COL4A5: variants seen among roughly 807,000 people sequenced by gnomAD.
The protein encoded by COL4A5 is collagen type IV alpha 5 chain.
COL4A5 carries 26 observed loss-of-function variants against 130.2 expected under a neutral mutation model. That is an observed-to-expected ratio of 0.20 (90% CI 0.15 to 0.28). The LOEUF (loss-of-function observed/expected upper bound fraction) is 0.28, where lower values mean the gene tolerates loss of function less well. Among genes scored for constraint, COL4A5 ranks in the 10% least tolerant of loss-of-function variants. The probability of loss-of-function intolerance (pLI) is 1.00; values close to 1 mark genes in which losing one functional copy is unlikely to be tolerated. For synonymous variants in COL4A5, 496 were observed against 439.6 expected (o/e 1.13, Z -1.60); for missense variants, 1,131 against 1,344.3 (o/e 0.84, Z 2.48).
At chrX:108,681,685 G>T in intron 46 of COL4A5, 75 bp from the exon 47 acceptor site, 1 of 1,195,695 alleles carries the variant, frequency 8.4e-7, no homozygotes, top group Admixed American at 2.2e-5. Context: ...TTTTTGTCCT[G>T]AACTTAGGTC....
intron 51 of COL4A5, 149 bp from the exon 52 acceptor site, chrX:108,695,118 C>G: frequency 1.3e-6 from 1 of 770,320 alleles, no homozygotes; most frequent in Non-Finnish European, 2.0e-6. Flanking sequence ...TTTTTTTTGA[C>G]TACCCTTGGT....
intron 2 of COL4A5, among the ~76,000 whole-genome samples, chrX:108,554,829 T>A (rs773954652): frequency 9.0e-6 from 1 of 111,377 alleles, no homozygotes; most frequent in African/African-American, 3.3e-5. Flanking sequence ...GCCACAGCAC[T>A]CCAGCCTGTG....
chrX:108,565,414 G>T (rs778991645), intron 4 of COL4A5, among the ~76,000 whole-genome samples: 2 of 111,773 alleles, frequency 1.8e-5, no homozygotes, highest in Admixed American at 1.9e-4. Flanking sequence ...TTTATTTTTT[G>T]AAGTATTTTA....
intron 2 of COL4A5, among the ~76,000 whole-genome samples, chrX:108,544,187 A>C (rs1328729733): frequency 8.9e-5 from 10 of 111,898 alleles, no homozygotes; most frequent in Non-Finnish European, 1.5e-4. Context: ...GTCTTGTGCC[A>C]GTTTTCAAAG....
At chrX:108,589,847 A>G (rs963723566) in intron 19 of COL4A5, among the ~76,000 whole-genome samples, 1 of 111,588 alleles carries the variant, frequency 9.0e-6, no homozygotes, top group Non-Finnish European at 1.9e-5. Flanking sequence ...TAAATAGCCT[A>G]CAGAATGGGT....
intron 36 of COL4A5, among the ~76,000 whole-genome samples, chrX:108,653,737 T>G (rs1040851936): frequency 7.2e-5 from 8 of 111,097 alleles, no homozygotes; most frequent in African/African-American, 2.6e-4. Flanking sequence ...TCTTGTTTTT[T>G]ATTTTGGTAT....
intron 1 of COL4A5, among the ~76,000 whole-genome samples, chrX:108,497,781 C>T (rs755859356): frequency 1.8e-5 from 2 of 111,764 alleles, no homozygotes; most frequent in African/African-American, 6.5e-5. Context: ...AAAATTGTTA[C>T]TCTGAAACCT....
intron 1 of COL4A5, among the ~76,000 whole-genome samples, chrX:108,530,046 C>T: frequency 9.0e-6 from 1 of 111,247 alleles, no homozygotes; most frequent in East Asian, 2.8e-4. Flanking sequence ...GGGCTTCAGA[C>T]CCAATAAACC....
intron 1 of COL4A5, among the ~76,000 whole-genome samples, chrX:108,445,942 T>TAA (rs1407885137): frequency 1.8e-5 from 2 of 111,587 alleles, no homozygotes; most frequent in Non-Finnish European, 3.8e-5. Flanking sequence ...CCTATATATA[T>TAA]AATATGTTTT....
At position 108,582,821 on chromosome X, in the gene COL4A5, T is replaced by A. The variant is rs2066272445; in HGVS notation, c.937-63T>A. 26 of 930,434 alleles carry A rather than the reference T, an allele frequency of 2.8e-5. No individual in the cohort carries two copies. In the South Asian group the frequency reaches 4.3e-4, roughly 16 times the overall value. The allele number at this position is 930,434 out of a possible 1,213,427, so 76.7% of individuals were successfully genotyped here. ...CTCATTGCTTCTATGGAGAAGACAA[T>A]CTTTGGAGATTTCCTAACACCATCA... On this transcript the variant is annotated intron_variant, in intron 16 of 52. Coordinates refer to ENST00000328300, the MANE Select transcript of COL4A5 (RefSeq NM_033380.3).
intron 1 of COL4A5, among the ~76,000 whole-genome samples, chrX:108,446,535 CAG>C (rs2064453520): frequency 8.9e-6 from 1 of 112,125 alleles, no homozygotes; most frequent in Non-Finnish European, 1.9e-5. Flanking sequence ...GCTATATCAA[CAG>C]AGAAATTATG....
intron 16 of COL4A5, 196 bp from the exon 17 acceptor site, chrX:108,582,688 G>T: frequency 5.1e-6 from 2 of 391,948 alleles, no homozygotes; most frequent in Non-Finnish European, 8.6e-6. Flanking sequence ...TTCTCACCAA[G>T]ATTCAGCTTT....
chrX:108,601,852 G>A (rs778560072), intron 26 of COL4A5, 33 bp from the exon 27 acceptor site: 11 of 879,666 alleles, frequency 1.3e-5, no homozygotes, highest in Middle Eastern at 5.9e-4. Flanking sequence ...TTCTTTGAAC[G>A]TTTTCCTTTC....
rs1323559091 is a variant in COL4A5, at chrX:108,474,817, A to G, written c.81+34611A>G. 2.7e-5 allele frequency among the ~76,000 whole-genome samples: 3 copies of G among 111,368 alleles called. No individual in the cohort carries two copies. In the Admixed American group the frequency reaches 2.9e-4, roughly 11 times the overall value. On this transcript the variant is annotated intron_variant, in intron 1 of 52. Transcript: ENST00000328300. ...TTCATTTTCTTTCTTCTTTATGTGG[A>G]TATCCAGTTTTCTCAACGTCATTTA...
At chrX:108,501,478 A>T (rs1433971809) in intron 1 of COL4A5, among the ~76,000 whole-genome samples, 1 of 111,960 alleles carries the variant, frequency 8.9e-6, no homozygotes, top group African/African-American at 3.2e-5. Flanking sequence ...TTTAGGCCAG[A>T]GAGCAGTATA....
At chrX:108,504,192 G>A (rs2065104829) in intron 1 of COL4A5, among the ~76,000 whole-genome samples, 1 of 111,642 alleles carries the variant, frequency 9.0e-6, no homozygotes, top group Non-Finnish European at 1.9e-5. Context: ...GCATGTAGAA[G>A]AATGAAACTG....
chrX:108,594,324 T>C (rs28405783), intron 21 of COL4A5, among the ~76,000 whole-genome samples: 11,478 of 111,156 alleles, frequency 0.1, 1,300 homozygotes, highest in African/African-American at 0.33. Flanking sequence ...TGCAGTCACT[T>C]TGAAATGAGC....
At chrX:108,670,092 T>C (rs766475667) in intron 41 of COL4A5, 136 bp from the exon 42 acceptor site, 1 of 698,386 alleles carries the variant, frequency 1.4e-6, no homozygotes, top group African/African-American at 2.2e-5. Flanking sequence ...CAGAGTATTC[T>C]TTTATTGAAA....
At chrX:108,613,415 A>G (rs1213141801) in intron 29 of COL4A5, among the ~76,000 whole-genome samples, 1 of 112,232 alleles carries the variant, frequency 8.9e-6, no homozygotes, top group Non-Finnish European at 1.9e-5. Flanking sequence ...AAACTCTGTG[A>G]TCAGATGTTA....
Sources: allele counts gnomAD v4.1 joint callset (sites outside exome capture counted in the v4.1 genomes callset), GRCh38; gene constraint gnomAD v4.1.1; transcripts MANE v1.5; gene names NCBI Gene and HGNC (gene_info 2026-07-23, HGNC 2026-07-21).